The following SPATA16 variants were observed in gnomAD, a reference collection of about 807,000 sequenced individuals.
SPATA16 encodes the protein spermatogenesis-associated protein 16.
A neutral mutation model predicts 63.3 loss-of-function variants in SPATA16; 36 were observed. The observed-to-expected ratio is 0.57, with a 90% CI of 0.44 to 0.75. The LOEUF (loss-of-function observed/expected upper bound fraction) is 0.75. SPATA16 is among the 30% of genes least tolerant of loss of function. The pLI is 0.00. For synonymous variants in SPATA16, 203 were observed against 216.7 expected (o/e 0.94, Z 0.56); for missense variants, 646 against 679.3 (o/e 0.95, Z 0.54).
chr3:172,900,308 T>C (rs1439553309), intron 10 of SPATA16, among the ~76,000 whole-genome samples: 6 of 152,226 alleles, frequency 3.9e-5, no homozygotes, highest in Admixed American at 3.9e-4. Flanking sequence ...ATATAGATAA[T>C]GCATCATTTC....
intron 2 of SPATA16, among the ~76,000 whole-genome samples, chr3:173,060,243 G>C (rs1736346836): frequency 6.6e-6 from 1 of 152,106 alleles, no homozygotes; most frequent in Non-Finnish European, 1.5e-5. Flanking sequence ...GGTGACAACA[G>C]CGAAACTCCA....
rs1027541039 is a variant in SPATA16 at position 173,019,714 on chromosome 3, C to T, written c.759-139G>A. On this transcript the variant is annotated intron_variant, in intron 3 of 10. Transcript: ENST00000351008. Reference sequence around the variant, plus strand: ...GATACTAGTGAAAGGAGCCCTTCCCCGCCCCCCGTAATTGGCAATTAAGAC... The same window carrying T: ...GATACTAGTGAAAGGAGCCCTTCCCTGCCCCCCGTAATTGGCAATTAAGAC... 76 of 745,792 alleles carry T rather than the reference C, an allele frequency of 1.0e-4. 1 individual carries two copies. Among genetic ancestry groups the T allele is most frequent in the South Asian group, 6.6e-4 (43 of 65,112 alleles). The allele number at this position is 745,792 out of a possible 1,614,324, so 46.2% of individuals were successfully genotyped here. A position where few individuals can be genotyped will look rare whatever the true frequency, so the allele number is the denominator to read the frequency against.
At chr3:173,094,188 A>G (rs938133815) in intron 2 of SPATA16, among the ~76,000 whole-genome samples, 3 of 152,136 alleles carry the variant, frequency 2.0e-5, no homozygotes, top group Non-Finnish European at 4.4e-5. Context: ...TTGTATTTTC[A>G]TAATTGCTGG....
intron 10 of SPATA16, among the ~76,000 whole-genome samples, chr3:172,912,902 C>T (rs1477863382): frequency 1.3e-5 from 2 of 152,146 alleles, no homozygotes; most frequent in African/African-American, 4.8e-5. Flanking sequence ...TTACAAAAGA[C>T]ACGTGTTTCC....
chr3:173,093,440 A>C (rs1444169023), intron 2 of SPATA16, among the ~76,000 whole-genome samples: 3 of 152,132 alleles, frequency 2.0e-5, no homozygotes, highest in African/African-American at 7.2e-5. Flanking sequence ...TCTGAACTAT[A>C]GTCTTCTGGA....
At chr3:172,941,019 T>TA (rs895887549) in intron 6 of SPATA16, among the ~76,000 whole-genome samples, 15 of 151,308 alleles carry the variant, frequency 9.9e-5, no homozygotes, top group Admixed American at 4.0e-4. Context: ...GCAAATTACA[T>TA]AAAAAAAAGA....
intron 4 of SPATA16, among the ~76,000 whole-genome samples, chr3:173,000,357 G>A (rs1396908993): frequency 6.6e-6 from 1 of 152,170 alleles, no homozygotes; most frequent in Non-Finnish European, 1.5e-5. Flanking sequence ...GACTGAGATA[G>A]TGATTTTTTT....
rs142623984 is a variant in SPATA16, at chr3:173,013,122, C to T, written c.848+6364G>A. On this transcript the variant is annotated intron_variant, in intron 4 of 10. Transcript: ENST00000351008. ...ATTAGGCAAAGAACATGAACAGACA[C>T]TTCTCAAAGGAAGACATACAAATGG... Among the ~76,000 whole-genome samples, 1,516 of 152,242 alleles carry T rather than the reference C, an allele frequency of 1.0e-2. 33 individuals carry two copies. Among genetic ancestry groups the T allele is most frequent in the African/African-American group, 0.034 (1,403 of 41,534 alleles).
chr3:173,048,062 G>A (rs879410937), intron 3 of SPATA16, among the ~76,000 whole-genome samples: 6 of 151,954 alleles, frequency 3.9e-5, no homozygotes, highest in Non-Finnish European at 7.4e-5. Flanking sequence ...TAATATAACC[G>A]ATAATCATGT....
At chr3:173,056,397 T>C (rs990417284) in intron 2 of SPATA16, among the ~76,000 whole-genome samples, 8 of 152,106 alleles carry the variant, frequency 5.3e-5, no homozygotes, top group Non-Finnish European at 1.2e-4. Context: ...TAGTTGAGAA[T>C]GTATGTTGCT....
chr3:173,099,756 G>A (rs1737445405), intron 2 of SPATA16, among the ~76,000 whole-genome samples: 1 of 152,168 alleles, frequency 6.6e-6, no homozygotes, highest in Non-Finnish European at 1.5e-5. Flanking sequence ...CATGTTGTGT[G>A]GGGGTGAGCT....
intron 1 of SPATA16, among the ~76,000 whole-genome samples, chr3:173,125,779 A>G (rs1738210636): frequency 6.6e-6 from 1 of 152,116 alleles, no homozygotes; most frequent in Non-Finnish European, 1.5e-5. Context: ...ATATTCCCCC[A>G]CCAGAATGTG....
At chr3:172,934,849 G>A (rs575202348) in intron 6 of SPATA16, among the ~76,000 whole-genome samples, 2 of 152,242 alleles carry the variant, frequency 1.3e-5, no homozygotes, top group Non-Finnish European at 2.9e-5. Flanking sequence ...ATTAGATATT[G>A]CTATCCACTC....
chr3:172,931,417 G>T (rs1365081676), intron 6 of SPATA16, among the ~76,000 whole-genome samples: 2 of 151,896 alleles, frequency 1.3e-5, no homozygotes, highest in African/African-American at 2.4e-5. Flanking sequence ...ATATATTTTT[G>T]TTTAATTTTT....
chr3:173,140,080 C>G (rs1738667505), intron 1 of SPATA16, among the ~76,000 whole-genome samples: 1 of 152,196 alleles, frequency 6.6e-6, no homozygotes, highest in Non-Finnish European at 1.5e-5. Flanking sequence ...GGTTCTGTAT[C>G]TCACAGTTCA....
At chr3:172,992,596 G>C (rs1296050081) in intron 4 of SPATA16, among the ~76,000 whole-genome samples, 1 of 152,084 alleles carries the variant, frequency 6.6e-6, no homozygotes, top group Admixed American at 6.6e-5. Flanking sequence ...TATTCATGAC[G>C]CAGGCATGAT....
At chr3:173,077,283 T>G (rs1449742139) in intron 2 of SPATA16, among the ~76,000 whole-genome samples, 1 of 152,198 alleles carries the variant, frequency 6.6e-6, no homozygotes, top group Non-Finnish European at 1.5e-5. Context: ...AGTTAGACTT[T>G]CTTCTTCACT....
At chr3:172,913,895 G>C in intron 9 of SPATA16, 151 bp from the exon 10 acceptor site, 1 of 691,362 alleles carries the variant, frequency 1.4e-6, no homozygotes, top group East Asian at 2.7e-5. Context: ...CCTCATCTTT[G>C]CTTGTCATTG....
intron 6 of SPATA16, among the ~76,000 whole-genome samples, chr3:172,948,177 G>C (rs1733337105): frequency 6.6e-6 from 1 of 152,024 alleles, no homozygotes; most frequent in Admixed American, 6.6e-5. Flanking sequence ...CTACCTCAAG[G>C]CATTTAATAA....
Sources: allele counts gnomAD v4.1 joint callset (sites outside exome capture counted in the v4.1 genomes callset), GRCh38; gene constraint gnomAD v4.1.1; transcripts MANE v1.5; gene names NCBI Gene and HGNC (gene_info 2026-07-23, HGNC 2026-07-21).